SDK1: variants seen among roughly 807,000 people sequenced by gnomAD.
SDK1 encodes sidekick cell adhesion molecule 1.
Under a neutral mutation model 245.5 loss-of-function variants are expected in SDK1, and 157 were observed. The observed-to-expected ratio is 0.64, with a 90% CI of 0.56 to 0.73. The LOEUF (loss-of-function observed/expected upper bound fraction) is 0.73, where lower values mean the gene tolerates loss of function less well. Ranked by LOEUF, SDK1 falls within the 30% of genes least tolerant of loss-of-function variation. The probability of loss-of-function intolerance (pLI) is 0.00; values close to 1 mark genes in which losing one functional copy is unlikely to be tolerated. For missense variants in SDK1, 3,583 were observed against 3,002.3 expected (o/e 1.19, Z -4.52); for synonymous variants, 1,647 against 1,278.5 (o/e 1.29, Z -6.15).
At chr7:3,649,230 G>A (rs1749697256) in intron 4 of SDK1, among the ~76,000 whole-genome samples, 1 of 152,154 alleles carries the variant, frequency 6.6e-6, no homozygotes, top group Admixed American at 6.5e-5. Context: ...GGAGGGGGTT[G>A]AATTGAGTGA....
At chr7:4,101,494 A>T (rs79550923) in intron 22 of SDK1, among the ~76,000 whole-genome samples, 3,110 of 152,310 alleles carry the variant, frequency 0.02, 43 homozygotes, top group Non-Finnish European at 0.032. Flanking sequence ...AAATAGTTCA[A>T]GCAAGAGGTT....
chr7:3,943,414 C>G (rs1780448811), intron 5 of SDK1, among the ~76,000 whole-genome samples: 1 of 145,636 alleles, frequency 6.9e-6, no homozygotes, highest in Non-Finnish European at 1.5e-5. Context: ...TCCGTCCTCC[C>G]CATTTGTGCT....
At chr7:3,709,796 A>G (rs1321827888) in intron 4 of SDK1, among the ~76,000 whole-genome samples, 1 of 152,196 alleles carries the variant, frequency 6.6e-6, no homozygotes, top group African/African-American at 2.4e-5. Context: ...CCAAACTTCT[A>G]ATATCAAAGG....
chr7:4,067,783 T>C (rs1039354101), intron 19 of SDK1, 55 bp from the exon 20 acceptor site: 1 of 1,388,216 alleles, frequency 7.2e-7, no homozygotes, highest in Non-Finnish European at 1.0e-6. Flanking sequence ...ACACATCTGA[T>C]CAAAAGAAAA....
At chr7:4,264,973 G>A (rs1209862309) in intron 44 of SDK1, 151 bp from the exon 45 acceptor site, 41 of 1,236,964 alleles carry the variant, frequency 3.3e-5, no homozygotes, top group Non-Finnish European at 4.1e-5. Context: ...TGGAGGGTGG[G>A]AGGGCCTGGC....
At chr7:3,952,178 G>C in intron 7 of SDK1, 2 of 493,066 alleles carry the variant, frequency 4.1e-6, no homozygotes, top group Non-Finnish European at 7.1e-6. Flanking sequence ...TCGGGAAATA[G>C]AGCGGTGAAA....
rs1181514903 is a variant in SDK1 at position 3,985,206 on chromosome 7, A to G, written c.1995-1980A>G. On this transcript the variant is annotated intron_variant, in intron 13 of 44. Transcript: ENST00000404826. ...TCAGCTGTGGTCTGAGAGGTTCACC[A>G]TGGTGGCGAAAACCGTCCCAGTCAC... 2.6e-5 allele frequency among the ~76,000 whole-genome samples: 4 copies of G among 152,262 alleles called. No individual in the cohort carries two copies. In the South Asian group the frequency reaches 6.2e-4, roughly 24 times the overall value.
chr7:3,504,265 C>CGTTGTTGTTGTTGTTGTT (rs369977701), intron 1 of SDK1, among the ~76,000 whole-genome samples: 1 of 146,544 alleles, frequency 6.8e-6, no homozygotes, highest in African/African-American at 2.5e-5. Context: ...CTGTTGTTGT[C>CGTTGTTGTTGTTGTTGTT]GTTGTTGTTG....
intron 1 of SDK1, among the ~76,000 whole-genome samples, chr7:3,416,775 C>G (rs909675743): frequency 7.9e-5 from 12 of 152,090 alleles, no homozygotes; most frequent in Non-Finnish European, 1.6e-4. Context: ...TGTGACCATG[C>G]CTCGAATAAA....
At chr7:3,701,067 G>A (rs2115007002) in intron 4 of SDK1, among the ~76,000 whole-genome samples, 1 of 152,196 alleles carries the variant, frequency 6.6e-6, no homozygotes, top group Middle Eastern at 3.4e-3. Context: ...TATCTACGTA[G>A]AAAATTCCAA....
At chr7:3,467,626 T>C (rs577168303) in intron 1 of SDK1, among the ~76,000 whole-genome samples, 1 of 152,238 alleles carries the variant, frequency 6.6e-6, no homozygotes, top group Non-Finnish European at 1.5e-5. Context: ...ATTTATGTTT[T>C]GCAGCTATTA....
At chr7:3,969,926 TACTA>T (rs1389213093) in intron 11 of SDK1, among the ~76,000 whole-genome samples, 13 of 152,340 alleles carry the variant, frequency 8.5e-5, no homozygotes, top group South Asian at 4.1e-4. Flanking sequence ...ACTTCTAATA[TACTA>T]ACTATCAATG....
At chr7:3,629,780 G>T (rs1161819444) in intron 2 of SDK1, among the ~76,000 whole-genome samples, 1 of 152,174 alleles carries the variant, frequency 6.6e-6, no homozygotes, top group Non-Finnish European at 1.5e-5. Context: ...TCTAATCAAA[G>T]ATCATCAAGC....
chr7:3,821,621 A>C (rs758518829), intron 5 of SDK1, 38 bp downstream of exon 5: 3 of 1,606,070 alleles, frequency 1.9e-6, no homozygotes, highest in Non-Finnish European at 2.6e-6. Context: ...TCTGCAAGCA[A>C]TAAAATCTTG....
At chr7:3,988,324 TC>T (rs2128139705) in intron 14 of SDK1, among the ~76,000 whole-genome samples, 1 of 151,636 alleles carries the variant, frequency 6.6e-6, no homozygotes, top group Non-Finnish European at 1.5e-5. Context: ...AGGATTCTGA[TC>T]CCTTTCCTCT....
intron 1 of SDK1, among the ~76,000 whole-genome samples, chr7:3,537,955 C>T (rs974432782): frequency 6.6e-6 from 1 of 152,174 alleles, no homozygotes; most frequent in Non-Finnish European, 1.5e-5. Flanking sequence ...CAGTGCTCCT[C>T]CAGGGTGGAG....
At chr7:3,674,985 T>C (rs988122901) in intron 4 of SDK1, among the ~76,000 whole-genome samples, 1 of 152,184 alleles carries the variant, frequency 6.6e-6, no homozygotes, top group African/African-American at 2.4e-5. Context: ...AATAGTCTTC[T>C]TGGTGTGTGG....
intron 5 of SDK1, among the ~76,000 whole-genome samples, chr7:3,880,463 G>A (rs1165385500): frequency 2.0e-5 from 3 of 151,384 alleles, no homozygotes; most frequent in African/African-American, 7.3e-5. Flanking sequence ...CAACACCAGC[G>A]CCTCTCTGGA....
intron 5 of SDK1, among the ~76,000 whole-genome samples, chr7:3,921,900 A>G (rs1169708573): frequency 1.3e-5 from 2 of 152,074 alleles, no homozygotes; most frequent in Middle Eastern, 3.4e-3. Flanking sequence ...CAGGAGGTCA[A>G]GGCTGTGGTG....
Sources: allele counts gnomAD v4.1 joint callset (sites outside exome capture counted in the v4.1 genomes callset), GRCh38; gene constraint gnomAD v4.1.1; transcripts MANE v1.5; gene names NCBI Gene and HGNC (gene_info 2026-07-23, HGNC 2026-07-21).